Variants in PTPRD observed in about 807,000 individuals in gnomAD.
PTPRD encodes receptor-type tyrosine-protein phosphatase delta.
PTPRD carries 34 observed loss-of-function variants against 214.5 expected under a neutral mutation model. The observed-to-expected ratio is 0.16, with a 90% CI of 0.12 to 0.21. The LOEUF is 0.21. PTPRD is among the 10% of genes least tolerant of loss of function. PTPRD has a pLI of 1.00. For synonymous variants in PTPRD, 1,128 were observed against 845.7 expected, an observed-to-expected ratio of 1.33 and a Z score of -5.79; for missense variants, 2,545 against 2,398.7, an observed-to-expected ratio of 1.06 and a Z score of -1.27.
chr9:9,573,683 G>T (rs946030653), intron 8 of PTPRD, among the ~76,000 whole-genome samples: 1 of 151,704 alleles, frequency 6.6e-6, no homozygotes, highest in East Asian at 1.9e-4. Context: ...TACTCAAAGT[G>T]TATCTAAATA....
chr9:10,497,522 G>A (rs930237119), intron 2 of PTPRD, among the ~76,000 whole-genome samples: 2 of 151,922 alleles, frequency 1.3e-5, no homozygotes, highest in African/African-American at 4.8e-5. Flanking sequence ...ATATATAAAT[G>A]TAGTTCAAAC....
intron 11 of PTPRD, among the ~76,000 whole-genome samples, chr9:8,950,712 T>C (rs1322171697): frequency 6.6e-6 from 1 of 151,874 alleles, no homozygotes; most frequent in African/African-American, 2.4e-5. Flanking sequence ...TTTTCTTTTT[T>C]TTTTTTTAAA....
chr9:10,190,244 G>A (rs536844379), intron 3 of PTPRD, among the ~76,000 whole-genome samples: 1 of 151,740 alleles, frequency 6.6e-6, no homozygotes, highest in South Asian at 2.1e-4. Context: ...CAGTGGTCCT[G>A]AATCCCAGCT....
intron 39 of PTPRD, among the ~76,000 whole-genome samples, chr9:8,355,965 A>T (rs1408426497): frequency 1.3e-5 from 2 of 152,186 alleles, no homozygotes; most frequent in Non-Finnish European, 2.9e-5. Flanking sequence ...AATAATGTAC[A>T]TATGTGTGTG....
intron 5 of PTPRD, among the ~76,000 whole-genome samples, chr9:9,806,744 G>T (rs2099075540): frequency 6.6e-6 from 1 of 152,168 alleles, no homozygotes; most frequent in African/African-American, 2.4e-5. Context: ...TTCCCAAAAA[G>T]ATCTCAGGAG....
Position 8,823,692 on chromosome 9 carries a change from G to A in PTPRD, c.-103-89746C>T, listed in dbSNP as rs569376992. Among the ~76,000 whole-genome samples the A allele has an allele frequency of 4.0e-5, 6 of 151,752 alleles. No homozygotes were observed. In the South Asian group the frequency reaches 8.3e-4, roughly 21 times the overall value. ...AAGGGAAAAGGAAAGGGAAAGGAAAGGGAAAGGAAAGGAAAGGCGGAAGGA... is the reference window on the plus strand; with the variant it reads ...AAGGGAAAAGGAAAGGGAAAGGAAAAGGAAAGGAAAGGAAAGGCGGAAGGA... On this transcript the variant is annotated intron_variant, in intron 11 of 45. Transcript: ENST00000381196.
intron 10 of PTPRD, among the ~76,000 whole-genome samples, chr9:9,147,761 CT>C (rs952845268): frequency 3.3e-5 from 5 of 152,126 alleles, no homozygotes; most frequent in Admixed American, 2.0e-4. Flanking sequence ...ACCCTCCCCC[CT>C]CTCCCTGCTT....
chr9:9,131,938 T>C (rs2099843351), intron 10 of PTPRD, among the ~76,000 whole-genome samples: 1 of 152,068 alleles, frequency 6.6e-6, no homozygotes, highest in Non-Finnish European at 1.5e-5. Context: ...AGATGTACTA[T>C]TTCTTTCATT....
rs113873352 is a variant in PTPRD at position 8,327,574 on chromosome 9, C to T, written c.5534+4008G>A. ...GGTCTGCTTGGTCCAGAGCTGTGTTCAAGTCCTGAATGTCCTTGCTAATGT... is the reference window on the plus strand; with the variant it reads ...GGTCTGCTTGGTCCAGAGCTGTGTTTAAGTCCTGAATGTCCTTGCTAATGT... On this transcript the variant is annotated intron_variant, in intron 44 of 45. Transcript: ENST00000381196. 2.7e-3 allele frequency among the ~76,000 whole-genome samples: 410 copies of T among 152,218 alleles called. 2 individuals carry two copies. Among genetic ancestry groups the T allele is most frequent in the African/African-American group, 9.0e-3 (375 of 41,520 alleles).
chr9:8,721,541 AAAAAT>A (rs1157211995), intron 12 of PTPRD, among the ~76,000 whole-genome samples: 1 of 152,150 alleles, frequency 6.6e-6, no homozygotes, highest in Non-Finnish European at 1.5e-5. Context: ...TTTTATTGAT[AAAAAT>A]AAAATATTAA....
At chr9:8,723,551 C>G (rs1359207417) in intron 12 of PTPRD, among the ~76,000 whole-genome samples, 1 of 152,154 alleles carries the variant, frequency 6.6e-6, no homozygotes, top group Non-Finnish European at 1.5e-5. Flanking sequence ...ATTGGAGGCA[C>G]ACTGTAGTCA....
chr9:9,605,009 G>A (rs1592799129), intron 7 of PTPRD, among the ~76,000 whole-genome samples: 1 of 151,932 alleles, frequency 6.6e-6, no homozygotes, highest in East Asian at 1.9e-4. Flanking sequence ...TGAAATATAT[G>A]CTCATAAACT....
At chr9:9,401,499 A>C (rs1056180839) in intron 8 of PTPRD, among the ~76,000 whole-genome samples, 2 of 152,126 alleles carry the variant, frequency 1.3e-5, no homozygotes, top group African/African-American at 4.8e-5. Context: ...TATGAAGGGT[A>C]ATTGGTATGA....
At chr9:10,586,686 T>G (rs2073992925) in intron 2 of PTPRD, among the ~76,000 whole-genome samples, 1 of 152,072 alleles carries the variant, frequency 6.6e-6, no homozygotes, top group South Asian at 2.1e-4. Flanking sequence ...CGAGAATGAA[T>G]TATTCCTTCT....
intron 3 of PTPRD, among the ~76,000 whole-genome samples, chr9:10,078,879 A>G (rs2098182778): frequency 6.6e-6 from 1 of 152,156 alleles, no homozygotes; most frequent in South Asian, 2.1e-4. Flanking sequence ...AACATTAAAT[A>G]TAAGACATGG....
At chr9:10,244,372 T>C (rs2091707934) in intron 3 of PTPRD, among the ~76,000 whole-genome samples, 1 of 152,128 alleles carries the variant, frequency 6.6e-6, no homozygotes, top group African/African-American at 2.4e-5. Flanking sequence ...CTGTACATGG[T>C]AGATGGTTGA....
At chr9:9,090,954 G>A in intron 10 of PTPRD, 3 of 1,577,330 alleles carry the variant, frequency 1.9e-6, no homozygotes, top group Non-Finnish European at 2.6e-6. Context: ...GCCACGTGCA[G>A]CCTATTCGCT....
chr9:10,065,191 G>GAAAGA (rs1555538041), intron 3 of PTPRD, among the ~76,000 whole-genome samples: 13 of 151,274 alleles, frequency 8.6e-5, no homozygotes, highest in South Asian at 4.2e-4. Flanking sequence ...AAGAAAGAAA[G>GAAAGA]AAAAGGATGC....
Position 8,948,543 on chromosome 9 carries a change from T to TTATATATATATATTTA in PTPRD, c.-104+70153_-104+70154insTAAATATATATATATA, listed in dbSNP as rs1228234537. Among the ~76,000 whole-genome samples, 19 of 31,182 alleles carry TTATATATATATATTTA rather than the reference T, an allele frequency of 6.1e-4. 1 individual carries two copies. The highest frequency in any genetic ancestry group is 1.7e-3 in the East Asian group (3 of 1,760). 20.5% of individuals were successfully genotyped at this position (31,182 alleles called of 152,430 possible). A position where few individuals can be genotyped will look rare whatever the true frequency, so the allele number is the denominator to read the frequency against. ...TTTATATATATATTTATATATATAT[T>TTATATATATATATTTA]TATATATATTTATATATATTTATAT... On this transcript the variant is annotated intron_variant, in intron 11 of 45. Transcript: ENST00000381196.
Sources: gnomAD v4.1 joint callset for allele counts (sites outside exome capture counted in the v4.1 genomes callset) on GRCh38, gnomAD v4.1.1 for gene constraint, MANE v1.5 for transcripts, NCBI Gene and HGNC (gene_info 2026-07-23, HGNC 2026-07-21) for gene names.